Variants in KALRN observed in about 807,000 individuals in gnomAD.
The protein encoded by KALRN is kalirin RhoGEF kinase, also known as kalirin.
Under a neutral mutation model 353.7 loss-of-function variants are expected in KALRN, and 70 were observed. That is an observed-to-expected ratio of 0.20 (90% CI 0.16 to 0.24). The LOEUF is 0.24. Among genes scored for constraint, KALRN ranks in the 10% least tolerant of loss-of-function variants. The pLI is 1.00. For synonymous variants in KALRN, 1,391 were observed against 1,434.8 expected, an observed-to-expected ratio of 0.97 and a Z score of 0.69; for missense variants, 2,791 against 3,756.7, an observed-to-expected ratio of 0.74 and a Z score of 6.72.
At chr3:124,501,685 A>G (rs1424627788) in intron 33 of KALRN, among the ~76,000 whole-genome samples, 2 of 152,136 alleles carry the variant, frequency 1.3e-5, no homozygotes, top group African/African-American at 2.4e-5. Flanking sequence ...CTGGGAGGCC[A>G]CTAGATGCAA....
At chr3:124,564,511 T>C (rs915688335) in intron 34 of KALRN, among the ~76,000 whole-genome samples, 1 of 151,872 alleles carries the variant, frequency 6.6e-6, no homozygotes, top group Non-Finnish European at 1.5e-5. Context: ...CCCCCATCTC[T>C]ACAAAACTAA....
chr3:124,334,220 C>A lies in KALRN; in HGVS notation c.1417-45C>A. On this transcript the variant is annotated intron_variant, in intron 8 of 59. Transcript: ENST00000682506. The surrounding 1 kb of genome is among the most constrained non-coding windows in gnomAD (Gnocchi z 4.2). ...ACTTCCTGCTTCTCTCTGTGCCCTG[C>A]CTATCACCCTTTTCCCTTAACTTAA... The A allele has an allele frequency of 6.6e-7, 1 of 1,510,518 alleles. No homozygotes were observed. The highest frequency in any genetic ancestry group is 9.2e-7 in the Non-Finnish European group (1 of 1,086,150). The allele number at this position is 1,510,518 out of a possible 1,614,324, so 93.6% of individuals were successfully genotyped here. A position where few individuals can be genotyped will look rare whatever the true frequency, so the allele number is the denominator to read the frequency against.
Position 124,165,864 on chromosome 3 carries a change from C to T in KALRN, c.74-62126C>T, listed in dbSNP as rs115706817. 2.5e-3 allele frequency among the ~76,000 whole-genome samples: 384 copies of T among 152,326 alleles called. 1 individual carries two copies. The highest frequency in any genetic ancestry group is 8.6e-3 in the African/African-American group (358 of 41,566). Reference sequence around the variant, plus strand: ...TCACATGATCTCTTTCTCATGTGCTCTCCCTGAACCATGGCCTCTTTCTCA... The same window carrying T: ...TCACATGATCTCTTTCTCATGTGCTTTCCCTGAACCATGGCCTCTTTCTCA... On this transcript the variant is annotated intron_variant, in intron 1 of 59. Transcript: ENST00000682506.
intron 38 of KALRN, among the ~76,000 whole-genome samples, chr3:124,654,008 A>G (rs1039451232): frequency 4.6e-5 from 7 of 152,224 alleles, no homozygotes; most frequent in African/African-American, 1.7e-4. Context: ...AAAGGCTGAG[A>G]AGCCAAAGAT....
At chr3:124,492,206 C>G (rs144286193) in intron 31 of KALRN, among the ~76,000 whole-genome samples, 60 of 152,310 alleles carry the variant, frequency 3.9e-4, no homozygotes, top group African/African-American at 1.4e-3. Flanking sequence ...AAAATTCTAC[C>G]AAGACAAATG....
intron 34 of KALRN, among the ~76,000 whole-genome samples, chr3:124,594,095 C>A (rs113888996): frequency 0.021 from 3,230 of 152,356 alleles, 49 homozygotes; most frequent in Middle Eastern, 0.058. Flanking sequence ...CTAGAGACAA[C>A]CACTACCTAA....
At chr3:124,080,350 C>T (rs1162860417) in intron 1 of KALRN, among the ~76,000 whole-genome samples, 2 of 152,178 alleles carry the variant, frequency 1.3e-5, no homozygotes, top group Non-Finnish European at 2.9e-5. Context: ...AGAGGTTACT[C>T]GTAAAGCCAA....
At chr3:124,649,127 G>C (rs895707779) in intron 37 of KALRN, among the ~76,000 whole-genome samples, 1 of 152,132 alleles carries the variant, frequency 6.6e-6, no homozygotes, top group Non-Finnish European at 1.5e-5. Context: ...GGGGGTGGGG[G>C]AATGGAAGGT....
chr3:124,320,921 A>C (rs892024140), intron 6 of KALRN, among the ~76,000 whole-genome samples: 3 of 152,230 alleles, frequency 2.0e-5, no homozygotes, highest in Non-Finnish European at 4.4e-5. Context: ...AGTAGGGAAT[A>C]GTAGGAAGCT....
intron 34 of KALRN, among the ~76,000 whole-genome samples, chr3:124,595,533 G>T (rs984127285): frequency 3.9e-5 from 6 of 152,028 alleles, no homozygotes. Context: ...CCTATTTTAG[G>T]TTATTTCTGA....
intron 27 of KALRN, 122 bp downstream of exon 27, chr3:124,477,456 A>G (rs2061535250): frequency 1.4e-6 from 1 of 738,022 alleles, no homozygotes; most frequent in East Asian, 2.6e-5. Flanking sequence ...GGCCACTGCA[A>G]ACCTTAAGCA....
chr3:124,486,861 A>G (rs1017076954), intron 28 of KALRN, among the ~76,000 whole-genome samples: 1 of 152,216 alleles, frequency 6.6e-6, no homozygotes, highest in Non-Finnish European at 1.5e-5. Context: ...TGCATAGCTT[A>G]TGTGACACCT....
At chr3:124,522,141 TTTTC>T (rs1479269206) in intron 33 of KALRN, among the ~76,000 whole-genome samples, 1 of 151,918 alleles carries the variant, frequency 6.6e-6, no homozygotes, top group Admixed American at 6.6e-5. Flanking sequence ...CAGTACATCA[TTTTC>T]TTTATTTAGT....
chr3:124,523,362 T>G (rs1469306289), intron 33 of KALRN, among the ~76,000 whole-genome samples: 1 of 152,238 alleles, frequency 6.6e-6, no homozygotes, highest in Non-Finnish European at 1.5e-5. Flanking sequence ...ATTAACTATG[T>G]CACGTCCTAG....
Position 124,696,737 on chromosome 3 carries a change from G to A in KALRN, c.7699+482G>A, listed in dbSNP as rs144640999. On this transcript the variant is annotated intron_variant, in intron 54 of 59. Transcript: ENST00000682506. ...AATAAATAAATAAGTGTACAGTTCA[G>A]TGGCATTAAGTACATCCACATTTTT... Among the ~76,000 whole-genome samples, 264 of 152,258 alleles carry A rather than the reference G, an allele frequency of 1.7e-3. 3 individuals carry two copies. Among genetic ancestry groups the A allele is most frequent in the African/African-American group, 6.3e-3 (263 of 41,544 alleles).
intron 34 of KALRN, among the ~76,000 whole-genome samples, chr3:124,583,363 G>T (rs2074813461): frequency 7.7e-6 from 1 of 130,378 alleles, no homozygotes. Context: ...GTAATACAGT[G>T]GTTCATGGAA....
At chr3:124,672,477 T>G (rs4678143) in intron 48 of KALRN, among the ~76,000 whole-genome samples, 1 of 151,854 alleles carries the variant, frequency 6.6e-6, no homozygotes, top group Non-Finnish European at 1.5e-5. Context: ...TTAAAAAGAG[T>G]TCACCCTTTC....
intron 1 of KALRN, among the ~76,000 whole-genome samples, chr3:124,203,001 TG>T (rs2076095152): frequency 1.3e-5 from 2 of 152,194 alleles, no homozygotes; most frequent in African/African-American, 4.8e-5. Context: ...CTGACAGTTC[TG>T]GTGGTTGCTC....
chr3:124,426,186 T>A (rs2093009817), intron 15 of KALRN, among the ~76,000 whole-genome samples: 1 of 152,160 alleles, frequency 6.6e-6, no homozygotes, highest in Non-Finnish European at 1.5e-5. Context: ...TGATCCAGTT[T>A]CAGAGAAGGC....
Sources: allele counts gnomAD v4.1 joint callset (sites outside exome capture counted in the v4.1 genomes callset), GRCh38; gene constraint gnomAD v4.1.1; non-coding constraint Gnocchi (gnomAD v3.1); transcripts MANE v1.5; gene names NCBI Gene and HGNC (gene_info 2026-07-23, HGNC 2026-07-21).